Variants in GOLGB1 observed in about 807,000 individuals in gnomAD.
The protein encoded by GOLGB1 is golgin subfamily B member 1.
A neutral mutation model predicts 336.9 loss-of-function variants in GOLGB1; 174 were observed. That is an observed-to-expected ratio of 0.52 (90% CI 0.46 to 0.59). The LOEUF is 0.59. GOLGB1 is among the 20% of genes least tolerant of loss of function. GOLGB1 has a pLI of 0.00. For synonymous variants in GOLGB1, 1,208 were observed against 1,289.2 expected, an observed-to-expected ratio of 0.94 and a Z score of 1.35; for missense variants, 3,331 against 3,645.3, an observed-to-expected ratio of 0.91 and a Z score of 2.22.
rs1268614542 is a variant in GOLGB1, at chr3:121,698,002, G to A, written c.2521C>T (p.Leu841=). 3.1e-6 allele frequency: 5 copies of A among 1,614,060 alleles called. No homozygotes were observed. Among genetic ancestry groups the A allele is most frequent in the Non-Finnish European group, 4.2e-6 (5 of 1,179,960 alleles). Residue 841 remains leucine (L), a synonymous_variant, in exon 13 of 22, where the codon CTG becomes TTG. Coordinates refer to ENST00000614479, the MANE Select transcript of GOLGB1 (RefSeq NM_001366282.2). ...TCCTTATTTTGCAGCTGGCTTTGCAGGCTTCTTATCAGGGTACTCTGCTCA... is the reference window on the plus strand; with the variant it reads ...TCCTTATTTTGCAGCTGGCTTTGCAAGCTTCTTATCAGGGTACTCTGCTCA... ...FSEQSTLIRS[L]QSQLQNKESE...
At chr3:121,683,551 G>C (rs1941348976) in intron 14 of GOLGB1, among the ~76,000 whole-genome samples, 1 of 152,024 alleles carries the variant, frequency 6.6e-6, no homozygotes, top group Non-Finnish European at 1.5e-5. Flanking sequence ...AAACTCCGTT[G>C]GTAAGTCCTA....
chr3:121,743,613 A>T (rs1264444856), intron 1 of GOLGB1, among the ~76,000 whole-genome samples: 3 of 151,976 alleles, frequency 2.0e-5, no homozygotes, highest in Non-Finnish European at 2.9e-5. Context: ...AAAGTATAAT[A>T]AAAAAAATAC....
At chr3:121,687,460 A>C (rs1941870856) in intron 14 of GOLGB1, among the ~76,000 whole-genome samples, 1 of 152,226 alleles carries the variant, frequency 6.6e-6, no homozygotes. Context: ...TTATTAGAAC[A>C]GTTTAAGGGT....
At chr3:121,747,829 T>C (rs1481095866) in intron 1 of GOLGB1, among the ~76,000 whole-genome samples, 3 of 152,148 alleles carry the variant, frequency 2.0e-5, no homozygotes, top group African/African-American at 7.2e-5. Flanking sequence ...TATCCTTCTG[T>C]ATTAAATTTC....
In GOLGB1 at chr3:121,691,314, T is replaced by C. The variant is rs1490368052; in HGVS notation, c.8050A>G (p.Lys2684Glu). Residue 2684 changes from lysine to glutamate, a missense_variant, in exon 14 of 22, where the codon AAA becomes GAA. Physicochemically the swap from Lys to Glu is moderately conservative, Grantham distance 56. Transcript: ENST00000614479. ...AAKKVGEIED[K>E]LKKELKHLHH... ...AGATGCTTTAATTCTTTCTTCAGTTTATCTTCAATTTCACCTACCTTCTTG... is the reference window on the plus strand; with the variant it reads ...AGATGCTTTAATTCTTTCTTCAGTTCATCTTCAATTTCACCTACCTTCTTG... 1 of 1,612,584 alleles carries C rather than the reference T, an allele frequency of 6.2e-7. No individual in the cohort carries two copies. Among genetic ancestry groups the C allele is most frequent in the Non-Finnish European group, 8.5e-7 (1 of 1,179,704 alleles).
intron 17 of GOLGB1, among the ~76,000 whole-genome samples, chr3:121,671,561 T>G (rs535445302): frequency 6.6e-6 from 1 of 152,242 alleles, no homozygotes; most frequent in Non-Finnish European, 1.5e-5. Context: ...TATAATGTAA[T>G]ATATTCATAT....
Position 121,694,150 on chromosome 3 carries a change from C to A in GOLGB1, c.6373G>T (p.Asp2125Tyr). Residue 2125 changes from aspartate (D) to tyrosine (Y), a missense_variant, in exon 13 of 22, where the codon GAT (aspartate) becomes TAT (tyrosine). Transcript: ENST00000614479. ...ESVKSQMKQK[D>Y]EDLERRLEQA... Reference sequence around the variant, plus strand: ...TCCAGTCTTCGCTCAAGATCTTCATCCTTTTGTTTCATCTGGCTTTTAACT... The same window carrying A: ...TCCAGTCTTCGCTCAAGATCTTCATACTTTTGTTTCATCTGGCTTTTAACT... 6.2e-7 allele frequency: 1 copy of A among 1,613,714 alleles called. No homozygotes were observed. The highest frequency in any genetic ancestry group is 8.5e-7 in the Non-Finnish European group (1 of 1,179,990).
chr3:121,665,981 A>G (rs1404829466), intron 20 of GOLGB1, among the ~76,000 whole-genome samples: 1 of 152,226 alleles, frequency 6.6e-6, no homozygotes, highest in Non-Finnish European at 1.5e-5. Flanking sequence ...TGACTAAAAA[A>G]TACACCTTCT....
chr3:121,726,783 AAAG>A (rs1270940603), intron 5 of GOLGB1, 127 bp downstream of exon 5: 20 of 533,116 alleles, frequency 3.8e-5, no homozygotes, highest in African/African-American at 1.7e-4. Context: ...GAAATGAAGA[AAAG>A]AAGGAGACTG....
At position 121,693,936 on chromosome 3, in the gene GOLGB1, G is replaced by A; in HGVS notation, c.6587C>T (p.Thr2196Ile). 6.2e-7 allele frequency: 1 copy of A among 1,613,896 alleles called. No homozygotes were observed. ...DSTVTQLAAF[T>I]KSMSSLQDDR... ...ATCCTGGAGGGAAGACATGCTCTTA[G>A]TAAAGGCTGCAAGCTGGGTCACAGT... Residue 2196 changes from threonine (T) to isoleucine (I), a missense_variant, in exon 13 of 22, where the codon ACT becomes ATT. Transcript: ENST00000614479.
Position 121,702,599 on chromosome 3 carries a change from A to G in GOLGB1, c.1405-4T>C, listed in dbSNP as rs1208710667. 2 of 1,366,510 alleles carry G rather than the reference A, an allele frequency of 1.5e-6. No individual in the cohort carries two copies. The highest frequency in any genetic ancestry group is 3.0e-5 in the African/African-American group (2 of 66,800). The allele number at this position is 1,366,510 out of a possible 1,614,324, so 84.6% of individuals were successfully genotyped here. A position where few individuals can be genotyped will look rare whatever the true frequency, so the allele number is the denominator to read the frequency against. The stretch of plus-strand genomic sequence containing the variant: ...CAATATTCTCCTCAGTGACTGCCTA[A>G]ATTGTAGAAAGACAACAAATTAATG... On this transcript the variant is annotated splice_region_variant and splice_polypyrimidine_tract_variant and intron_variant, in intron 10 of 21. Transcript: ENST00000614479.
Position 121,694,254 on chromosome 3 carries a change from T to C in GOLGB1, c.6269A>G (p.Asp2090Gly). 1.2e-6 allele frequency: 2 copies of C among 1,610,526 alleles called. No homozygotes were observed. Among genetic ancestry groups the C allele is most frequent in the Non-Finnish European group, 1.7e-6 (2 of 1,180,008 alleles). ...CCTTGCTGCTTCACTTTGAGTGTCA[T>C]CTAGCAGGACTTTGAAGCTAGCTAA... ...AELASFKVLL[D>G]DTQSEAARVL... Residue 2090 changes from aspartate to glycine, a missense_variant, in exon 13 of 22, where the codon GAT (aspartate) becomes GGT (glycine). By Grantham distance (94) the Asp-to-Gly change is moderately conservative. Coordinates refer to ENST00000614479, the MANE Select transcript of GOLGB1 (RefSeq NM_001366282.2).
At chr3:121,693,538 G>A (rs1942657888) in intron 13 of GOLGB1, among the ~76,000 whole-genome samples, 2 of 152,188 alleles carry the variant, frequency 1.3e-5, no homozygotes, top group Admixed American at 6.5e-5. Context: ...AAGATGGGAA[G>A]AGAAGATGCG....
intron 14 of GOLGB1, among the ~76,000 whole-genome samples, chr3:121,689,460 G>C (rs1235447431): frequency 1.6e-5 from 2 of 121,686 alleles, no homozygotes; most frequent in East Asian, 2.3e-4. Context: ...CAGCATGCTC[G>C]TTAAGAGTCA....
chr3:121,705,562 T>C (rs1196957124), intron 10 of GOLGB1, among the ~76,000 whole-genome samples: 1 of 152,218 alleles, frequency 6.6e-6, no homozygotes, highest in Admixed American at 6.5e-5. Flanking sequence ...AGGCTGAGCC[T>C]GGTAGACTCC....
At chr3:121,701,623 A>G (rs1229083647) in intron 11 of GOLGB1, among the ~76,000 whole-genome samples, 2 of 152,186 alleles carry the variant, frequency 1.3e-5, no homozygotes, top group African/African-American at 2.4e-5. Context: ...GAAGCATATG[A>G]TAAGTGGAAG....
chr3:121,733,322 T>A (rs1046137825), intron 1 of GOLGB1, among the ~76,000 whole-genome samples: 2 of 148,564 alleles, frequency 1.3e-5, no homozygotes, highest in Admixed American at 1.3e-4. Context: ...TCAACTGCAT[T>A]CCCATTACAA....
Position 121,698,407 on chromosome 3 carries a change from G to A in GOLGB1, c.2116C>T (p.His706Tyr). 6.2e-7 allele frequency: 1 copy of A among 1,613,802 alleles called. No homozygotes were observed. Among genetic ancestry groups the A allele is most frequent in the South Asian group, 1.1e-5 (1 of 91,066 alleles). The change falls in exon 13 of 22, where the codon CAT becomes TAT. Residue 706 changes from histidine (H) to tyrosine (Y), a missense_variant. By Grantham distance (83) the His-to-Tyr change is moderately conservative. Transcript: ENST00000614479. ...TTCTCATAGATTTCTTGTGCTTTAT[G>A]AAAGTTTAGCTCGAGCTCCAAAATT... ...SQILELELNFHKAQEIYEKNL... is the reference protein window; with the variant it reads ...SQILELELNFYKAQEIYEKNL...
intron 20 of GOLGB1, 119 bp downstream of exon 20, chr3:121,667,357 C>T (rs1337433183): frequency 2.9e-6 from 3 of 1,039,274 alleles, no homozygotes; most frequent in Non-Finnish European, 2.8e-6. Flanking sequence ...AAACTCATTG[C>T]AGCAACTACC....
Sources: allele counts gnomAD v4.1 joint callset (sites outside exome capture counted in the v4.1 genomes callset), GRCh38; gene constraint gnomAD v4.1.1; transcripts MANE v1.5; gene names NCBI Gene and HGNC (gene_info 2026-07-23, HGNC 2026-07-21).